Variants in PPP4R2 observed in about 807,000 individuals in gnomAD.
The protein encoded by PPP4R2 is protein phosphatase 4 regulatory subunit 2.
PPP4R2 carries 13 observed loss-of-function variants against 47.2 expected under a neutral mutation model. The ratio of observed to expected loss-of-function variants is 0.28; its 90% CI spans 0.18 to 0.44. PPP4R2 has a LOEUF of 0.44. Among genes scored for constraint, PPP4R2 ranks in the 20% least tolerant of loss-of-function variants. The pLI, the probability that PPP4R2 is intolerant of heterozygous loss-of-function variation, is 1.00. For synonymous variants in PPP4R2, 151 were observed against 163.3 expected, an observed-to-expected ratio of 0.92 and a Z score of 0.57; for missense variants, 421 against 491.2, an observed-to-expected ratio of 0.86 and a Z score of 1.35.
chr3:72,999,173 C>G (rs1237204120), intron 2 of PPP4R2, among the ~76,000 whole-genome samples: 1 of 152,126 alleles, frequency 6.6e-6, no homozygotes, highest in East Asian at 1.9e-4. Context: ...TTAAAATACA[C>G]CAGTCATTTT....
In PPP4R2 at chr3:73,065,116, A is replaced by AGAAGAGGAT; in HGVS notation, c.912_920dup (p.Asp304_Glu306dup). On this transcript the variant is annotated inframe_insertion, in exon 8 of 9. Transcript: ENST00000356692. Reference sequence around the variant, plus strand: ...GGCAGCACTGTACAGAAGAGGATGAAGAAGAGGATGAAGAGGAAGAAGAAG... The same window carrying AGAAGAGGAT: ...GGCAGCACTGTACAGAAGAGGATGAAGAAGAGGATGAAGAGGATGAAGAGGAAGAAGAAG... The AGAAGAGGAT allele has an allele frequency of 1.9e-6, 3 of 1,611,522 alleles. No individual in the cohort carries two copies. Among genetic ancestry groups the AGAAGAGGAT allele is most frequent in the Non-Finnish European group, 2.5e-6 (3 of 1,179,038 alleles).
intron 1 of PPP4R2, 148 bp from the exon 2 acceptor site, chr3:72,997,929 G>A (rs1701383629): frequency 1.5e-6 from 1 of 656,368 alleles, no homozygotes; most frequent in Non-Finnish European, 2.7e-6. Flanking sequence ...AGAACTTGGA[G>A]GATTGAGGTG....
At chr3:73,052,744 C>T (rs1306886366) in intron 3 of PPP4R2, among the ~76,000 whole-genome samples, 2 of 152,184 alleles carry the variant, frequency 1.3e-5, no homozygotes, top group African/African-American at 4.8e-5. Flanking sequence ...CCTCTAAGTC[C>T]TCTCTAAAGT....
intron 1 of PPP4R2, 128 bp downstream of exon 1, chr3:72,997,199 TC>T: frequency 1.5e-6 from 1 of 649,512 alleles, no homozygotes. Flanking sequence ...CGGGCTCCCA[TC>T]CCCCTCCACC....
intron 2 of PPP4R2, among the ~76,000 whole-genome samples, chr3:73,008,508 T>G (rs1701659868): frequency 6.6e-6 from 1 of 152,200 alleles, no homozygotes; most frequent in South Asian, 2.1e-4. Context: ...GTTGGCTAGT[T>G]TCCTAATTGC....
intron 2 of PPP4R2, among the ~76,000 whole-genome samples, chr3:73,016,456 A>G (rs1288283661): frequency 6.6e-6 from 1 of 152,140 alleles, no homozygotes; most frequent in South Asian, 2.1e-4. Context: ...TCTGGCCCCA[A>G]ATGTCAGTAG....
chr3:73,010,779 A>C (rs1048352618), intron 2 of PPP4R2, among the ~76,000 whole-genome samples: 4 of 152,138 alleles, frequency 2.6e-5, no homozygotes, highest in African/African-American at 9.7e-5. Context: ...ACCTCAGATG[A>C]TCCACCTGCC....
chr3:73,044,898 T>C (rs1435344401), intron 2 of PPP4R2, among the ~76,000 whole-genome samples: 1 of 152,234 alleles, frequency 6.6e-6, no homozygotes, highest in African/African-American at 2.4e-5. Context: ...CATTTCACGA[T>C]TTGACTTTCT....
chr3:73,049,237 G>A (rs560953944), intron 3 of PPP4R2, among the ~76,000 whole-genome samples: 1 of 151,502 alleles, frequency 6.6e-6, no homozygotes, highest in African/African-American at 2.4e-5. Flanking sequence ...GGTGGCTCAC[G>A]CCTGTAATCC....
intron 2 of PPP4R2, among the ~76,000 whole-genome samples, chr3:73,044,434 A>T (rs1220884487): frequency 6.6e-6 from 1 of 152,012 alleles, no homozygotes; most frequent in East Asian, 1.9e-4. Context: ...AAAATACAAA[A>T]AGTTAGCTGG....
chr3:73,023,644 C>A (rs1469905733), intron 2 of PPP4R2, among the ~76,000 whole-genome samples: 1 of 152,162 alleles, frequency 6.6e-6, no homozygotes, highest in Non-Finnish European at 1.5e-5. Context: ...TGCAGTAGTT[C>A]ATCAAAGGAA....
At position 73,021,900 on chromosome 3, in the gene PPP4R2, A is replaced by ATT. The variant is rs775338491; in HGVS notation, c.116+23757_116+23758dup. Among the ~76,000 whole-genome samples, 904 of 114,774 alleles carry ATT rather than the reference A, an allele frequency of 7.9e-3. 10 individuals carry two copies. The highest frequency in any genetic ancestry group is 0.012 in the South Asian group (35 of 3,024). 75.3% of individuals were successfully genotyped at this position (114,774 alleles called of 152,430 possible). On this transcript the variant is annotated intron_variant, in intron 2 of 8. Transcript: ENST00000356692. Reference sequence around the variant, plus strand: ...TGTGTGTATATATGCATATATATATATTTTTTTTTTTTTTTTGAAACAATC... The same window carrying ATT: ...TGTGTGTATATATGCATATATATATATTTTTTTTTTTTTTTTTTGAAACAATC...
At chr3:73,036,464 T>A (rs996194368) in intron 2 of PPP4R2, among the ~76,000 whole-genome samples, 1 of 152,266 alleles carries the variant, frequency 6.6e-6, no homozygotes, top group African/African-American at 2.4e-5. Flanking sequence ...CAATACACGT[T>A]GCAAACATGT....
At chr3:73,053,866 G>A (rs925831248) in intron 3 of PPP4R2, among the ~76,000 whole-genome samples, 3 of 142,770 alleles carry the variant, frequency 2.1e-5, no homozygotes, top group African/African-American at 8.0e-5. Context: ...CCGAGATGGT[G>A]CCACTGCACT....
At chr3:73,057,668 T>G (rs1036885946) in intron 3 of PPP4R2, among the ~76,000 whole-genome samples, 8 of 152,130 alleles carry the variant, frequency 5.3e-5, no homozygotes, top group Non-Finnish European at 1.2e-4. Context: ...TTTGCACATC[T>G]TATACTTTGA....
chr3:73,026,737 TGTTA>T (rs1702072549), intron 2 of PPP4R2, among the ~76,000 whole-genome samples: 1 of 151,972 alleles, frequency 6.6e-6, no homozygotes, highest in African/African-American at 2.4e-5. Context: ...CTATCATTAG[TGTTA>T]GTGTTAGTGT....
At chr3:73,037,761 C>G (rs1292067802) in intron 2 of PPP4R2, among the ~76,000 whole-genome samples, 3 of 152,146 alleles carry the variant, frequency 2.0e-5, no homozygotes, top group African/African-American at 7.2e-5. Flanking sequence ...TGAGGCCCTT[C>G]CTTGTTGAGC....
At chr3:73,046,082 G>A (rs371733920) in intron 2 of PPP4R2, among the ~76,000 whole-genome samples, 4 of 152,048 alleles carry the variant, frequency 2.6e-5, no homozygotes, top group Non-Finnish European at 5.9e-5. Flanking sequence ...TTAAAATTAC[G>A]AGTTTGTGAA....
intron 3 of PPP4R2, among the ~76,000 whole-genome samples, chr3:73,055,357 C>A (rs964996377): frequency 1.3e-5 from 2 of 151,390 alleles, no homozygotes; most frequent in Non-Finnish European, 2.9e-5. Flanking sequence ...AGACAAGACC[C>A]ATGAGACCCA....
Sources: gnomAD v4.1 joint callset for allele counts (sites outside exome capture counted in the v4.1 genomes callset) on GRCh38, gnomAD v4.1.1 for gene constraint, MANE v1.5 for transcripts, NCBI Gene and HGNC (gene_info 2026-07-23, HGNC 2026-07-21) for gene names.